Variants in CORIN observed in about 807,000 individuals in gnomAD.
CORIN encodes atrial natriuretic peptide-converting enzyme.
A neutral mutation model predicts 125.3 loss-of-function variants in CORIN; 117 were observed. The ratio of observed to expected loss-of-function variants is 0.93; its 90% CI spans 0.80 to 1.09. The LOEUF (loss-of-function observed/expected upper bound fraction) is 1.09, where lower values mean the gene tolerates loss of function less well. CORIN is among the 50% of genes least tolerant of loss of function. The probability of loss-of-function intolerance (pLI) is 0.00; values close to 1 mark genes in which losing one functional copy is unlikely to be tolerated. For missense variants in CORIN, 1,253 were observed against 1,306.7 expected (o/e 0.96, Z 0.63); for synonymous variants, 450 against 466.4 (o/e 0.96, Z 0.45).
At chr4:47,823,659 C>A (rs1732616978) in intron 1 of CORIN, among the ~76,000 whole-genome samples, 1 of 152,180 alleles carries the variant, frequency 6.6e-6, no homozygotes. Context: ...AGGTCCAGAT[C>A]TACTATACTT....
At chr4:47,603,138 G>A (rs776207995) in intron 20 of CORIN, among the ~76,000 whole-genome samples, 8 of 152,156 alleles carry the variant, frequency 5.3e-5, no homozygotes, top group Non-Finnish European at 1.0e-4. Context: ...ATGGGGGGCA[G>A]TTACCCTCTT....
At position 47,595,528 on chromosome 4, in the gene CORIN, A is replaced by T; in HGVS notation, c.*193T>A. On this transcript the variant is annotated 3_prime_UTR_variant, in exon 22 of 22. Transcript: ENST00000273857. ...TAAAGTCTTTCATTGAACTTGAAATAAGAGAAAAATGAAGGTGAAAAAATA... is the reference window on the plus strand; with the variant it reads ...TAAAGTCTTTCATTGAACTTGAAATTAGAGAAAAATGAAGGTGAAAAAATA... 2.5e-6 allele frequency: 1 copy of T among 404,156 alleles called. No individual in the cohort carries two copies. The highest frequency in any genetic ancestry group is 4.4e-6 in the Non-Finnish European group (1 of 229,494). 25.0% of individuals were successfully genotyped at this position (404,156 alleles called of 1,614,324 possible). A position where few individuals can be genotyped will look rare whatever the true frequency, so the allele number is the denominator to read the frequency against.
At chr4:47,647,820 A>G (rs1427329075) in intron 13 of CORIN, among the ~76,000 whole-genome samples, 1 of 152,216 alleles carries the variant, frequency 6.6e-6, no homozygotes, top group Non-Finnish European at 1.5e-5. Context: ...CTGGATTTGA[A>G]TCCTAGTTCC....
At chr4:47,818,828 A>T (rs1236360979) in intron 1 of CORIN, among the ~76,000 whole-genome samples, 3 of 151,644 alleles carry the variant, frequency 2.0e-5, no homozygotes, top group Admixed American at 2.0e-4. Flanking sequence ...AAATGTAATC[A>T]TACCACTGCA....
chr4:47,655,363 G>A (rs552334357), intron 12 of CORIN, among the ~76,000 whole-genome samples: 1 of 152,300 alleles, frequency 6.6e-6, no homozygotes, highest in South Asian at 2.1e-4. Context: ...AGAACATCAA[G>A]TGAATTCTTG....
chr4:47,818,283 G>T (rs1379209408), intron 1 of CORIN, among the ~76,000 whole-genome samples: 1 of 152,186 alleles, frequency 6.6e-6, no homozygotes, highest in Non-Finnish European at 1.5e-5. Context: ...GAAGGAAAAA[G>T]TGAGACTCTG....
intron 16 of CORIN, among the ~76,000 whole-genome samples, chr4:47,640,756 G>A (rs10213076): frequency 0.26 from 39,872 of 152,080 alleles, 5,480 homozygotes; most frequent in Admixed American, 0.36. Context: ...GCTATGTTCA[G>A]GGTGGCTTGT....
At position 47,658,782 on chromosome 4, in the gene CORIN, C is replaced by A. The variant is rs1156661240; in HGVS notation, c.1735+2929G>T. 2.0e-5 allele frequency among the ~76,000 whole-genome samples: 3 copies of A among 152,234 alleles called. 1 individual carries two copies. Among genetic ancestry groups the A allele is most frequent in the Admixed American group, 2.0e-4 (3 of 15,282 alleles). On this transcript the variant is annotated intron_variant, in intron 12 of 21. Coordinates refer to ENST00000273857, the MANE Select transcript of CORIN (RefSeq NM_006587.4). Reference sequence around the variant, plus strand: ...CTTTTGGTTATACAAATTTCTCCAGCAATTCAGCCTGCTTGAATTCCTCTA... The same window carrying A: ...CTTTTGGTTATACAAATTTCTCCAGAAATTCAGCCTGCTTGAATTCCTCTA...
At position 47,680,216 on chromosome 4, in the gene CORIN, C is replaced by A; in HGVS notation, c.1057G>T (p.Gly353Trp). 1.9e-6 allele frequency: 3 copies of A among 1,613,948 alleles called. No individual in the cohort carries two copies. Among genetic ancestry groups the A allele is most frequent in the Non-Finnish European group, 2.5e-6 (3 of 1,179,882 alleles). Residue 353 changes from glycine to tryptophan, a missense_variant, in exon 8 of 22, where the codon GGG becomes TGG. Gly to Trp is a radical substitution (Grantham distance 184). Transcript: ENST00000273857. ...ACCCACTCCATGGCGATGCAGCGCC[C>A]GTCCCCGCAGCGATGCTCTGTTGTG... ...NPTTEHRCGD[G>W]RCIAMEWVCD...
At chr4:47,808,143 A>G (rs1731876865) in intron 1 of CORIN, among the ~76,000 whole-genome samples, 1 of 152,076 alleles carries the variant, frequency 6.6e-6, no homozygotes, top group African/African-American at 2.4e-5. Flanking sequence ...TGACTTTCAT[A>G]TTTATGTTTA....
At chr4:47,692,529 A>C (rs1389061072) in intron 6 of CORIN, among the ~76,000 whole-genome samples, 2 of 152,046 alleles carry the variant, frequency 1.3e-5, no homozygotes, top group African/African-American at 2.4e-5. Context: ...AGTGCCATTG[A>C]CTATCTCCAG....
intron 19 of CORIN, among the ~76,000 whole-genome samples, chr4:47,621,971 G>A (rs1482547600): frequency 7.0e-6 from 1 of 143,050 alleles, no homozygotes; most frequent in African/African-American, 2.6e-5. Context: ...CTAACATTAG[G>A]TATATCTCCC....
intron 4 of CORIN, among the ~76,000 whole-genome samples, chr4:47,746,660 G>A (rs1303329068): frequency 1.1e-4 from 17 of 151,808 alleles, no homozygotes; most frequent in Non-Finnish European, 2.5e-4. Flanking sequence ...ACAGCTTCCC[G>A]AGTAGCTGGG....
At chr4:47,801,143 C>T (rs1731523849) in intron 2 of CORIN, among the ~76,000 whole-genome samples, 1 of 152,168 alleles carries the variant, frequency 6.6e-6, no homozygotes, top group African/African-American at 2.4e-5. Flanking sequence ...CTTGAAACTC[C>T]TTAGGAAAGC....
chr4:47,699,163 T>C (rs991048338), intron 5 of CORIN, among the ~76,000 whole-genome samples: 2 of 152,206 alleles, frequency 1.3e-5, no homozygotes, highest in Non-Finnish European at 2.9e-5. Flanking sequence ...TCTAGGAGCT[T>C]GGGAAATTTC....
At chr4:47,689,172 C>T (rs1463039150) in intron 6 of CORIN, among the ~76,000 whole-genome samples, 5 of 152,134 alleles carry the variant, frequency 3.3e-5, no homozygotes, top group Non-Finnish European at 2.9e-5. Context: ...AGTGGAGGAA[C>T]AATAAGATAA....
At chr4:47,628,462 G>A (rs1181462756) in intron 16 of CORIN, among the ~76,000 whole-genome samples, 3 of 150,744 alleles carry the variant, frequency 2.0e-5, no homozygotes, top group Non-Finnish European at 4.4e-5. Context: ...GTGTGTGTGT[G>A]TGTGTGTGTG....
intron 4 of CORIN, among the ~76,000 whole-genome samples, chr4:47,747,891 TGTTTC>T (rs1333104310): frequency 6.6e-6 from 1 of 152,210 alleles, no homozygotes; most frequent in Non-Finnish European, 1.5e-5. Flanking sequence ...TTTAAGGCAA[TGTTTC>T]TCAGAGGAGC....
chr4:47,758,688 A>G (rs1482864073), intron 4 of CORIN, among the ~76,000 whole-genome samples: 2 of 152,246 alleles, frequency 1.3e-5, no homozygotes, highest in Non-Finnish European at 2.9e-5. Flanking sequence ...AGGTAATTGA[A>G]TCATAGGGGC....
Sources: allele counts gnomAD v4.1 joint callset (sites outside exome capture counted in the v4.1 genomes callset), GRCh38; gene constraint gnomAD v4.1.1; transcripts MANE v1.5; gene names NCBI Gene and HGNC (gene_info 2026-07-23, HGNC 2026-07-21).